NCKAP5: variants seen among roughly 807,000 people sequenced by gnomAD.
NCKAP5 encodes nck-associated protein 5.
In NCKAP5, 92 loss-of-function variants were observed where a neutral mutation model predicts 167.0. The ratio of observed to expected loss-of-function variants is 0.55; its 90% CI spans 0.47 to 0.66. The LOEUF is 0.66. Ranked by LOEUF, NCKAP5 falls within the 30% of genes least tolerant of loss-of-function variation. The probability of loss-of-function intolerance (pLI) is 0.00; values close to 1 mark genes in which losing one functional copy is unlikely to be tolerated. For missense variants in NCKAP5, 2,378 were observed against 2,315.0 expected (o/e 1.03, Z -0.56); for synonymous variants, 891 against 877.4 (o/e 1.02, Z -0.27).
At chr2:133,502,133 T>C (rs943493402) in intron 3 of NCKAP5, among the ~76,000 whole-genome samples, 3 of 152,216 alleles carry the variant, frequency 2.0e-5, no homozygotes, top group Non-Finnish European at 2.9e-5. Context: ...CCCCAGTATC[T>C]CAAGACTCCA....
chr2:133,287,845 G>A (rs1334465715), intron 4 of NCKAP5, among the ~76,000 whole-genome samples: 2 of 152,184 alleles, frequency 1.3e-5, no homozygotes, highest in Admixed American at 6.5e-5. Context: ...GGCCACAAAG[G>A]AGTGCGTGTG....
chr2:133,547,170 C>T lies in NCKAP5; in HGVS notation c.-62+11880G>A, dbSNP rs567027675. 2.6e-5 allele frequency among the ~76,000 whole-genome samples: 4 copies of T among 152,228 alleles called. No homozygotes were observed. In the South Asian group the frequency reaches 6.2e-4, roughly 24 times the overall value. ...CACCCGAATATTGCGCTATTCGGAC[C>T]GGCTTAAAAAACGGCGCGCCACGAG... On this transcript the variant is annotated intron_variant, in intron 2 of 19. Coordinates refer to ENST00000409261, the MANE Select transcript of NCKAP5 (RefSeq NM_207363.3).
chr2:133,407,892 C>T (rs1688538148), intron 3 of NCKAP5, among the ~76,000 whole-genome samples: 1 of 152,164 alleles, frequency 6.6e-6, no homozygotes, highest in Non-Finnish European at 1.5e-5. Context: ...CCAAGGTTAG[C>T]CAGCAGTAGA....
At chr2:133,119,956 T>C (rs2082200637) in intron 6 of NCKAP5, among the ~76,000 whole-genome samples, 1 of 152,076 alleles carries the variant, frequency 6.6e-6, no homozygotes, top group Non-Finnish European at 1.5e-5. Flanking sequence ...TTGGAAATGA[T>C]AAAACATAAA....
the NCKAP5 span, among the ~76,000 whole-genome samples, chr2:133,591,470 G>A: frequency 2.0e-5 from 3 of 152,354 alleles, no homozygotes; most frequent in Non-Finnish European, 2.9e-5. Context: ...CCAGGAAGGA[G>A]GGGGAGAGGA....
At chr2:133,245,922 T>C (rs928129024) in intron 4 of NCKAP5, among the ~76,000 whole-genome samples, 1 of 136,606 alleles carries the variant, frequency 7.3e-6, no homozygotes, top group African/African-American at 2.7e-5. Context: ...AAAATGGAGG[T>C]GGGGAGAGTC....
chr2:133,479,001 A>G (rs1185478214), intron 3 of NCKAP5, among the ~76,000 whole-genome samples: 1 of 152,138 alleles, frequency 6.6e-6, no homozygotes, highest in African/African-American at 2.4e-5. Context: ...AGATGTTTAA[A>G]TTGTTGGCCT....
intron 19 of NCKAP5, among the ~76,000 whole-genome samples, chr2:132,705,782 C>T (rs1688301151): frequency 6.6e-6 from 1 of 152,170 alleles, no homozygotes; most frequent in Non-Finnish European, 1.5e-5. Context: ...CCTTAGAATT[C>T]ATCTAGTCCA....
chr2:133,595,524 A>G, the NCKAP5 span, among the ~76,000 whole-genome samples: 1 of 150,950 alleles, frequency 6.6e-6, no homozygotes, highest in Non-Finnish European at 1.5e-5. Context: ...AAGATGGCAA[A>G]GCAGGAAACT....
At chr2:133,089,204 T>A (rs2081091999) in intron 6 of NCKAP5, among the ~76,000 whole-genome samples, 1 of 152,216 alleles carries the variant, frequency 6.6e-6, no homozygotes, top group Admixed American at 6.5e-5. Flanking sequence ...GAAGTTTCCA[T>A]TCAGTCTATA....
chr2:133,369,806 A>G (rs1685684250), intron 3 of NCKAP5, among the ~76,000 whole-genome samples: 1 of 152,250 alleles, frequency 6.6e-6, no homozygotes. Context: ...GGTTATAAAT[A>G]TAGAAAATGG....
intron 9 of NCKAP5, among the ~76,000 whole-genome samples, chr2:132,878,174 C>T (rs191955621): frequency 2.6e-5 from 4 of 152,258 alleles, no homozygotes; most frequent in Admixed American, 6.5e-5. Context: ...GGGCTCTGAG[C>T]GCATGTCTGT....
chr2:132,917,778 TG>T (rs1414449548), intron 8 of NCKAP5, among the ~76,000 whole-genome samples: 1 of 152,138 alleles, frequency 6.6e-6, no homozygotes, highest in Admixed American at 6.5e-5. Context: ...CCTTTTAATG[TG>T]TCTTTGGGCT....
At chr2:133,420,633 G>A (rs1474231876) in intron 3 of NCKAP5, among the ~76,000 whole-genome samples, 1 of 152,182 alleles carries the variant, frequency 6.6e-6, no homozygotes, top group Non-Finnish European at 1.5e-5. Context: ...AGATAAAATA[G>A]GATAAGGCTT....
At position 133,033,901 on chromosome 2, in the gene NCKAP5, A is replaced by T. The variant is rs1294275129; in HGVS notation, c.342-39662T>A. On this transcript the variant is annotated intron_variant, in intron 6 of 19. Transcript: ENST00000409261. ...ATAGCCTCAAAAGAACAAATCTAAGAGTTACTGGCCTTAAAGAAGAGGTAG... is the reference window on the plus strand; with the variant it reads ...ATAGCCTCAAAAGAACAAATCTAAGTGTTACTGGCCTTAAAGAAGAGGTAG... 2.0e-5 allele frequency among the ~76,000 whole-genome samples: 3 copies of T among 152,110 alleles called. No homozygotes were observed. The East Asian group carries it at 5.8e-4, about 29-fold the overall frequency.
chr2:133,593,462 C>A, the NCKAP5 span, among the ~76,000 whole-genome samples: 250 of 151,764 alleles, frequency 1.6e-3, 1 homozygote, highest in African/African-American at 5.8e-3. Flanking sequence ...TAATGCCAAA[C>A]AATAAATGGT....
chr2:133,256,057 G>A (rs1033428801), intron 4 of NCKAP5, among the ~76,000 whole-genome samples: 13 of 152,118 alleles, frequency 8.5e-5, no homozygotes, highest in South Asian at 4.2e-4. Context: ...AATTAAACCC[G>A]AAAAAAGCAA....
At chr2:133,198,793 C>G (rs968164456) in intron 5 of NCKAP5, among the ~76,000 whole-genome samples, 7 of 152,056 alleles carry the variant, frequency 4.6e-5, no homozygotes, top group Non-Finnish European at 7.4e-5. Flanking sequence ...GTTTCCAATA[C>G]TGACATGGAA....
At chr2:132,947,118 T>C (rs1341591106) in intron 8 of NCKAP5, among the ~76,000 whole-genome samples, 1 of 152,220 alleles carries the variant, frequency 6.6e-6, no homozygotes, top group East Asian at 1.9e-4. Context: ...TGCATTCAAA[T>C]ACAGGTGGCA....
Sources: allele counts gnomAD v4.1 joint callset (sites outside exome capture counted in the v4.1 genomes callset), GRCh38; gene constraint gnomAD v4.1.1; transcripts MANE v1.5; gene names NCBI Gene and HGNC (gene_info 2026-07-23, HGNC 2026-07-21).